MAGI2: variants seen among roughly 807,000 people sequenced by gnomAD.
MAGI2 encodes the protein membrane associated guanylate kinase, WW and PDZ domain containing 2.
In MAGI2, 35 loss-of-function variants were observed where a neutral mutation model predicts 133.3. The ratio of observed to expected loss-of-function variants is 0.26; its 90% confidence interval spans 0.20 to 0.35. MAGI2 has a LOEUF of 0.35. Among genes scored for constraint, MAGI2 ranks in the 10% least tolerant of loss-of-function variants. The pLI is 1.00. For missense variants in MAGI2, 1,636 were observed against 1,863.4 expected (o/e 0.88, Z 2.25); for synonymous variants, 729 against 710.6 (o/e 1.03, Z -0.41).
chr7:78,388,880 G>A (rs909589332), intron 6 of MAGI2, among the ~76,000 whole-genome samples: 5 of 152,056 alleles, frequency 3.3e-5, no homozygotes, highest in South Asian at 2.1e-4. Flanking sequence ...AATATAGTCC[G>A]TGAAATAACA....
At chr7:78,555,190 T>C (rs62468622) in intron 3 of MAGI2, among the ~76,000 whole-genome samples, 4 of 138,870 alleles carry the variant, frequency 2.9e-5, no homozygotes, top group African/African-American at 1.1e-4. Context: ...TAGAGGACGG[T>C]TGGATGGATG....
At chr7:78,294,457 T>TTAAC (rs35260811) in intron 9 of MAGI2, among the ~76,000 whole-genome samples, 27,760 of 152,116 alleles carry the variant, frequency 0.18, 3,261 homozygotes, top group Middle Eastern at 0.28. Context: ...TCTAAAGGTC[T>TTAAC]TAACTCTGTT....
At chr7:78,900,833 T>G (rs1042260885) in intron 2 of MAGI2, among the ~76,000 whole-genome samples, 1 of 152,176 alleles carries the variant, frequency 6.6e-6, no homozygotes, top group African/African-American at 2.4e-5. Flanking sequence ...AATATGAATA[T>G]AGAGTGGGAA....
rs188406074 is a variant in MAGI2, at chr7:78,501,356, G to A, written c.965+221C>T. The stretch of plus-strand genomic sequence containing the variant: ...TTTTTAGTCATAATTATAAGAGATT[G>A]TAGGGTGCTATTATTTAATCCATTA... On this transcript the variant is annotated intron_variant, in intron 5 of 21. Coordinates refer to ENST00000354212, the MANE Select transcript of MAGI2 (RefSeq NM_012301.4). Among the ~76,000 whole-genome samples the A allele has an allele frequency of 2.8e-4, 42 of 152,154 alleles. No homozygotes were observed. In the East Asian group the frequency reaches 6.2e-3, roughly 22 times the overall value.
At chr7:78,758,121 G>A (rs1824139937) in intron 2 of MAGI2, among the ~76,000 whole-genome samples, 2 of 151,996 alleles carry the variant, frequency 1.3e-5, no homozygotes. Flanking sequence ...CTCTGATTTG[G>A]GACATTTAAC....
chr7:79,226,385 A>G (rs1830859635), intron 1 of MAGI2, among the ~76,000 whole-genome samples: 1 of 152,212 alleles, frequency 6.6e-6, no homozygotes, highest in Non-Finnish European at 1.5e-5. Flanking sequence ...CCCATCATAT[A>G]TGGTTGTGAC....
intron 1 of MAGI2, among the ~76,000 whole-genome samples, chr7:79,448,999 T>C (rs1467425764): frequency 2.6e-5 from 4 of 152,194 alleles, no homozygotes; most frequent in South Asian, 2.1e-4. Flanking sequence ...ACATTAATGG[T>C]ACTTTATTTC....
At chr7:78,491,908 TGTGTGTGTG>T (rs771991400) in intron 5 of MAGI2, among the ~76,000 whole-genome samples, 1 of 151,200 alleles carries the variant, frequency 6.6e-6, no homozygotes, top group Non-Finnish European at 1.5e-5. Context: ...TGTGTGTGTG[TGTGTGTGTG>T]TGTTGATGTC....
At chr7:78,169,669 G>A (rs1032094100) in intron 14 of MAGI2, among the ~76,000 whole-genome samples, 8 of 152,200 alleles carry the variant, frequency 5.3e-5, no homozygotes, top group African/African-American at 1.9e-4. Context: ...TATTCCTGGG[G>A]AGTGAGGTAG....
chr7:79,073,299 T>A (rs1028066762), intron 1 of MAGI2, among the ~76,000 whole-genome samples: 1 of 152,202 alleles, frequency 6.6e-6, no homozygotes, highest in African/African-American at 2.4e-5. Flanking sequence ...GAAATTTATA[T>A]GTTGAAAAGG....
intron 1 of MAGI2, among the ~76,000 whole-genome samples, chr7:79,227,548 C>T (rs1830964179): frequency 6.6e-6 from 1 of 152,108 alleles, no homozygotes; most frequent in African/African-American, 2.4e-5. Flanking sequence ...TTATCCTTAT[C>T]TTCACTCCTT....
chr7:79,434,027 A>C (rs1466871736), intron 1 of MAGI2, among the ~76,000 whole-genome samples: 1 of 151,968 alleles, frequency 6.6e-6, no homozygotes, highest in Non-Finnish European at 1.5e-5. Flanking sequence ...TTAATCTATC[A>C]TTTCTATATT....
rs1364747042 is a variant in MAGI2 at position 78,841,700 on chromosome 7, T to C, written c.418+165390A>G. ...GACATACACAGAATATGCTCTCATA[T>C]TTTCTGCATATTCACAAAGGTGAAT... On this transcript the variant is annotated intron_variant, in intron 2 of 21. Transcript: ENST00000354212. 2.0e-5 allele frequency among the ~76,000 whole-genome samples: 3 copies of C among 152,064 alleles called. No individual in the cohort carries two copies. The East Asian group carries it at 5.8e-4, about 29-fold the overall frequency.
At chr7:78,197,610 A>G (rs1828857029) in intron 11 of MAGI2, among the ~76,000 whole-genome samples, 1 of 152,224 alleles carries the variant, frequency 6.6e-6, no homozygotes, top group East Asian at 1.9e-4. Context: ...GACAAATTCT[A>G]CAATTTCTGT....
At chr7:78,449,989 A>G (rs1788552950) in intron 6 of MAGI2, among the ~76,000 whole-genome samples, 1 of 152,084 alleles carries the variant, frequency 6.6e-6, no homozygotes, top group African/African-American at 2.4e-5. Flanking sequence ...ACATAAATGG[A>G]GCTTCATATT....
intron 3 of MAGI2, among the ~76,000 whole-genome samples, chr7:78,566,687 C>T (rs1215284961): frequency 6.6e-6 from 1 of 152,116 alleles, no homozygotes; most frequent in African/African-American, 2.4e-5. Flanking sequence ...TTTCATTGTC[C>T]TAACACTTTA....
intron 10 of MAGI2, among the ~76,000 whole-genome samples, chr7:78,236,355 A>C (rs1016243127): frequency 6.6e-6 from 1 of 152,164 alleles, no homozygotes; most frequent in African/African-American, 2.4e-5. Flanking sequence ...GTTCATTTTT[A>C]TACACTCAGC....
intron 3 of MAGI2, among the ~76,000 whole-genome samples, chr7:78,605,984 A>C (rs186260662): frequency 6.6e-6 from 1 of 152,298 alleles, no homozygotes; most frequent in East Asian, 1.9e-4. Context: ...GACTGTATGA[A>C]CTATGGCAGG....
intron 1 of MAGI2, among the ~76,000 whole-genome samples, chr7:79,390,726 C>T (rs200422918): frequency 5.3e-5 from 8 of 152,230 alleles, no homozygotes; most frequent in Middle Eastern, 3.4e-3. Flanking sequence ...TTCTTCGAAG[C>T]GTGGATTTTA....
Sources: gnomAD v4.1 joint callset for allele counts (sites outside exome capture counted in the v4.1 genomes callset) on GRCh38, gnomAD v4.1.1 for gene constraint, MANE v1.5 for transcripts, NCBI Gene and HGNC (gene_info 2026-07-23, HGNC 2026-07-21) for gene names.